The following STK10 variants were observed in gnomAD, a reference collection of about 807,000 sequenced individuals.
STK10 encodes serine/threonine-protein kinase 10.
In STK10, 78 loss-of-function variants were observed where a neutral mutation model predicts 113.8. The ratio of observed to expected loss-of-function variants is 0.69; its 90% CI spans 0.57 to 0.83. STK10 has a LOEUF of 0.83. STK10 is among the 40% of genes least tolerant of loss of function. The pLI, the probability that STK10 is intolerant of heterozygous loss-of-function variation, is 0.00. For missense variants in STK10, 1,109 were observed against 1,280.1 expected (o/e 0.87, Z 2.04); for synonymous variants, 465 against 494.7 (o/e 0.94, Z 0.80).
At chr5:172,134,617 A>G (rs1306841809) in intron 2 of STK10, among the ~76,000 whole-genome samples, 3 of 152,184 alleles carry the variant, frequency 2.0e-5, no homozygotes, top group East Asian at 3.8e-4. Flanking sequence ...GACAGTATCA[A>G]GAAAGTAAAG....
rs749346148 is a variant in STK10 at position 172,044,805 on chromosome 5, T to G, written c.*77A>C. On this transcript the variant is annotated 3_prime_UTR_variant, in exon 19 of 19. Transcript: ENST00000176763. The surrounding 1 kb of genome is among the most constrained non-coding windows in gnomAD (Gnocchi z 4.5). Reference sequence around the variant, plus strand: ...CAGACGCAAGAGGGAAAAGGGGTCCTGAGTTACATGTTCACAGAGAATGAA... The same window carrying G: ...CAGACGCAAGAGGGAAAAGGGGTCCGGAGTTACATGTTCACAGAGAATGAA... 1.9e-6 allele frequency: 3 copies of G among 1,608,886 alleles called. No homozygotes were observed. Among genetic ancestry groups the G allele is most frequent in the Non-Finnish European group, 1.7e-6 (2 of 1,177,950 alleles).
At chr5:172,075,334 C>T (rs1433229333) in intron 12 of STK10, among the ~76,000 whole-genome samples, 1 of 152,064 alleles carries the variant, frequency 6.6e-6, no homozygotes, top group African/African-American at 2.4e-5. Flanking sequence ...TAAGAAAAAT[C>T]ACCCAGTTAA....
At chr5:172,119,795 C>T (rs1243364750) in intron 3 of STK10, among the ~76,000 whole-genome samples, 24 of 148,604 alleles carry the variant, frequency 1.6e-4, no homozygotes, top group Middle Eastern at 3.4e-3. Context: ...ACCCGGGAGG[C>T]AGAGCTTGCA....
chr5:172,115,851 C>T, intron 4 of STK10, among the ~76,000 whole-genome samples: 1 of 152,166 alleles, frequency 6.6e-6, no homozygotes, highest in East Asian at 1.9e-4. Context: ...AGGCCCCCAG[C>T]CTGCTGGTAG....
chr5:172,058,084 C>A (rs1284788378), intron 14 of STK10, among the ~76,000 whole-genome samples: 1 of 152,214 alleles, frequency 6.6e-6, no homozygotes, highest in Non-Finnish European at 1.5e-5. Context: ...TATTAATCCA[C>A]CCCTGTGCAC....
intron 12 of STK10, among the ~76,000 whole-genome samples, chr5:172,080,073 AATT>A (rs1464920019): frequency 6.6e-6 from 1 of 152,166 alleles, no homozygotes; most frequent in African/African-American, 2.4e-5. Context: ...ACATTTTGGT[AATT>A]CTCGCAATAT....
At chr5:172,057,504 G>GCCACACCAGAC in intron 14 of STK10, 31 bp from the exon 15 acceptor site, 1 of 1,537,922 alleles carries the variant, frequency 6.5e-7, no homozygotes, top group Non-Finnish European at 8.8e-7. Context: ...AGCTGGTGAG[G>GCCACACCAGAC]TGCTGACAAC....
chr5:172,127,476 C>A, intron 2 of STK10, 55 bp from the exon 3 acceptor site: 1 of 1,593,840 alleles, frequency 6.3e-7, no homozygotes, highest in Non-Finnish European at 8.6e-7. Context: ...GCCGTCGAGA[C>A]GGGAACCCCA....
intron 2 of STK10, among the ~76,000 whole-genome samples, chr5:172,128,366 A>C (rs1769674050): frequency 1.5e-5 from 2 of 129,246 alleles, no homozygotes; most frequent in Non-Finnish European, 3.2e-5. Context: ...TTTTAGACAG[A>C]CTCTCGCTCT....
At chr5:172,071,915 G>A (rs969226455) in intron 12 of STK10, among the ~76,000 whole-genome samples, 7 of 152,252 alleles carry the variant, frequency 4.6e-5, no homozygotes, top group East Asian at 1.9e-4. Context: ...GACAAGAACC[G>A]AGGTATCACA....
At chr5:172,064,632 G>A in intron 13 of STK10, 88 bp downstream of exon 13, 3 of 1,389,198 alleles carry the variant, frequency 2.2e-6, no homozygotes, top group Non-Finnish European at 3.1e-6. Context: ...TGAGGGGCAG[G>A]GATTGGGCAA....
Position 172,054,621 on chromosome 5 carries a change from C to T in STK10, c.2600G>A (p.Arg867Gln), listed in dbSNP as rs200951808. The T allele has an allele frequency of 5.2e-5, 84 of 1,610,610 alleles. No homozygotes were observed. Among genetic ancestry groups the T allele is most frequent in the Non-Finnish European group, 6.5e-5 (77 of 1,179,876 alleles). ...QQQQKHENQM[R>Q]DMLAQCESNM... ...GCTCTCACACTGCGCCAGCATGTCC[C>T]GCATCTGGTTCTCGTGTTTCTGCTG... The change falls in exon 17 of 19, where the codon CGG (arginine) becomes CAG (glutamine). Residue 867 changes from arginine (R) to glutamine (Q), a missense_variant. Transcript: ENST00000176763.
rs543754511 is a variant in STK10 at position 172,122,182 on chromosome 5, G to A, written c.371-4552C>T. 4.8e-4 allele frequency among the ~76,000 whole-genome samples: 73 copies of A among 152,190 alleles called. No individual in the cohort carries two copies. The South Asian group carries it at 7.5e-3, about 16-fold the overall frequency. On this transcript the variant is annotated intron_variant, in intron 3 of 18. Transcript: ENST00000176763. ...TGCCCGGCCTGATACACTTTTTAAA[G>A]TCAGGATTATTGAGGTATAATTTAC...
In STK10 at chr5:172,120,016, A is replaced by G. The variant is rs1258411614; in HGVS notation, c.371-2386T>C. 6.6e-6 allele frequency among the ~76,000 whole-genome samples: 1 copy of G among 152,096 alleles called. No homozygotes were observed. Among genetic ancestry groups the G allele is most frequent in the African/African-American group, 2.4e-5 (1 of 41,422 alleles). The stretch of plus-strand genomic sequence containing the variant: ...AGAGGAGGAAAGCTGCTCAATGGAC[A>G]GATTAGGGAGGTGGAGCTGGCGGAA... On this transcript the variant is annotated intron_variant, in intron 3 of 18. Transcript: ENST00000176763. The surrounding 1 kb of genome is among the most constrained non-coding windows in gnomAD (Gnocchi z 4.0).
At chr5:172,087,280 TTTATTTAC>T (rs536268558) in intron 10 of STK10, among the ~76,000 whole-genome samples, 4,677 of 134,018 alleles carry the variant, frequency 0.035, 239 homozygotes, top group African/African-American at 0.14. Context: ...TATTTATTTA[TTTATTTAC>T]TTTTGAGACA....
At chr5:172,170,516 A>G (rs3797325) in intron 1 of STK10, among the ~76,000 whole-genome samples, 36,350 of 152,032 alleles carry the variant, frequency 0.24, 5,690 homozygotes, top group African/African-American at 0.44. Context: ...CAAAAGCAGA[A>G]TGACGTGGCT....
rs560123796 is a variant in STK10 at position 172,058,415 on chromosome 5, G to T, written c.2213-942C>A. 2.9e-3 allele frequency among the ~76,000 whole-genome samples: 445 copies of T among 152,242 alleles called. 2 individuals are homozygous for T. Among genetic ancestry groups the T allele is most frequent in the African/African-American group, 0.01 (418 of 41,532 alleles). On this transcript the variant is annotated intron_variant, in intron 14 of 18. Transcript: ENST00000176763. ...GCTGATCCACATCAAATAATAAGAG[G>T]TTTATCTTGCTTAACTGCACTGGTC...
chr5:172,142,608 A>G (rs1769998318), intron 2 of STK10, among the ~76,000 whole-genome samples: 1 of 145,286 alleles, frequency 6.9e-6, no homozygotes, highest in Non-Finnish European at 1.6e-5. Context: ...TGAGGTAGGT[A>G]TCCTAAAAAA....
In STK10 at chr5:172,069,255, A is replaced by T. The variant is rs73319819; in HGVS notation, c.1990-4443T>A. On this transcript the variant is annotated intron_variant, in intron 12 of 18. Coordinates refer to ENST00000176763, the MANE Select transcript of STK10 (RefSeq NM_005990.4). ...AAAACAAAGATTTTCAGATGGGATT[A>T]AAAAAAATGAAAGCACAACTATATG... 6.5e-3 allele frequency among the ~76,000 whole-genome samples: 994 copies of T among 152,080 alleles called. 8 individuals carry two copies. The highest frequency in any genetic ancestry group is 0.022 in the African/African-American group (929 of 41,522).
Sources: allele counts gnomAD v4.1 joint callset (sites outside exome capture counted in the v4.1 genomes callset), GRCh38; gene constraint gnomAD v4.1.1; non-coding constraint Gnocchi (gnomAD v3.1); transcripts MANE v1.5; gene names NCBI Gene and HGNC (gene_info 2026-07-23, HGNC 2026-07-21).